The following TLL2 variants were observed in gnomAD, a reference collection of about 807,000 sequenced individuals.
TLL2 encodes the protein tolloid-like protein 2.
A neutral mutation model predicts 123.0 loss-of-function variants in TLL2; 106 were observed. The ratio of observed to expected loss-of-function variants is 0.86; its 90% CI spans 0.74 to 1.01. The LOEUF (loss-of-function observed/expected upper bound fraction) is 1.01. Ranked by LOEUF, TLL2 falls within the 50% of genes least tolerant of loss-of-function variation. TLL2 has a pLI of 0.00. For missense variants in TLL2, 1,332 were observed against 1,336.7 expected (o/e 1.00, Z 0.06); for synonymous variants, 494 against 516.8 (o/e 0.96, Z 0.60).
In TLL2 at chr10:96,387,102, C is replaced by T. The variant is rs374458002; in HGVS notation, c.1727-24G>A. 110 of 1,607,504 alleles carry T rather than the reference C, an allele frequency of 6.8e-5. No individual in the cohort carries two copies. The African/African-American group carries it at 1.2e-3, about 17-fold the overall frequency. ...CTCTGGTGGGGAAGGAAGGTGACCC[C>T]GGTTACATTGTCAGGAAGCCTCCTG... On this transcript the variant is annotated intron_variant, in intron 13 of 20. Transcript: ENST00000357947.
chr10:96,446,171 A>G lies in TLL2; in HGVS notation c.287-3T>C. ...AGATGCCTGCTCTTCAAGCCCACCT[A>G]GAGGAATGGAGAAGAAAGAGGCATG... On this transcript the variant is annotated splice_polypyrimidine_tract_variant and splice_region_variant and intron_variant, in intron 2 of 20. Coordinates refer to ENST00000357947, the MANE Select transcript of TLL2 (RefSeq NM_012465.4). 6.2e-7 allele frequency: 1 copy of G among 1,613,992 alleles called. No homozygotes were observed. Among genetic ancestry groups the G allele is most frequent in the Non-Finnish European group, 8.5e-7 (1 of 1,179,938 alleles).
At chr10:96,408,290 A>C (rs576472428) in intron 9 of TLL2, among the ~76,000 whole-genome samples, 1 of 152,360 alleles carries the variant, frequency 6.6e-6, no homozygotes, top group Non-Finnish European at 1.5e-5. Context: ...TACATTAGTG[A>C]ACCATAAAGA....
At chr10:96,442,320 G>C (rs1846857578) in intron 3 of TLL2, among the ~76,000 whole-genome samples, 1 of 152,278 alleles carries the variant, frequency 6.6e-6, no homozygotes, top group Admixed American at 6.5e-5. Context: ...CTCTTTTCCT[G>C]GGGGTGGTGG....
chr10:96,390,382 G>A (rs1846275516), intron 13 of TLL2, among the ~76,000 whole-genome samples: 1 of 152,186 alleles, frequency 6.6e-6, no homozygotes, highest in African/African-American at 2.4e-5. Flanking sequence ...TTATGTGGGG[G>A]GCATAGGACC....
intron 2 of TLL2, among the ~76,000 whole-genome samples, chr10:96,476,240 A>ATATATATATATATATATATTTTTTTTTTT: frequency 9.8e-5 from 2 of 20,486 alleles, no homozygotes; most frequent in South Asian, 1.7e-3. Flanking sequence ...ATATATATAT[A>ATATATATATATATATATATTTTTTTTTTT]TTTTATTTTT....
intron 2 of TLL2, among the ~76,000 whole-genome samples, chr10:96,459,524 CA>C (rs1212751233): frequency 6.6e-6 from 1 of 150,810 alleles, no homozygotes; most frequent in Non-Finnish European, 1.5e-5. Flanking sequence ...ACTGAAAATA[CA>C]AAAATCAGCC....
chr10:96,397,111 G>T, intron 11 of TLL2, 75 bp downstream of exon 11: 1 of 1,360,292 alleles, frequency 7.4e-7, no homozygotes. Flanking sequence ...TGGGCTGGGA[G>T]AGGGACAGTG....
chr10:96,377,672 C>T (rs896098137), intron 17 of TLL2, among the ~76,000 whole-genome samples: 2 of 152,202 alleles, frequency 1.3e-5, no homozygotes, highest in Admixed American at 1.3e-4. Context: ...GGAGGCTCCA[C>T]ACTGAAGAAG....
At chr10:96,476,454 G>T (rs1847253088) in intron 2 of TLL2, among the ~76,000 whole-genome samples, 3 of 151,052 alleles carry the variant, frequency 2.0e-5, no homozygotes, top group Admixed American at 1.3e-4. Context: ...TAGAGACAGG[G>T]TTTCACCATG....
chr10:96,455,020 C>A (rs1436353002), intron 2 of TLL2, among the ~76,000 whole-genome samples: 6 of 152,062 alleles, frequency 3.9e-5, no homozygotes, highest in African/African-American at 1.4e-4. Context: ...TTCTTTAAAC[C>A]TTTCCCCATA....
chr10:96,417,674 A>G lies in TLL2; in HGVS notation c.923+3282T>C, dbSNP rs150086700. On this transcript the variant is annotated intron_variant, in intron 7 of 20. Coordinates refer to ENST00000357947, the MANE Select transcript of TLL2 (RefSeq NM_012465.4). Reference sequence around the variant, plus strand: ...GGAACTGTGAGTCCCCATGCAGTGTAAAGCCTGGTCTAGCCTACTGGAGGA... The same window carrying G: ...GGAACTGTGAGTCCCCATGCAGTGTGAAGCCTGGTCTAGCCTACTGGAGGA... Among the ~76,000 whole-genome samples the G allele has an allele frequency of 2.5e-3, 379 of 152,294 alleles. 2 individuals are homozygous for G. The highest frequency in any genetic ancestry group is 4.2e-3 in the Admixed American group (64 of 15,304).
At position 96,488,216 on chromosome 10, in the gene TLL2, T is replaced by G. The variant is rs553093209; in HGVS notation, c.176-7757A>C. The stretch of plus-strand genomic sequence containing the variant: ...CTGCAGGCACTGAGGTCACCGGCCA[T>G]GGCCCACATCAGTGTGATGTGTAGT... On this transcript the variant is annotated intron_variant, in intron 1 of 20. Transcript: ENST00000357947. Among the ~76,000 whole-genome samples the G allele has an allele frequency of 1.1e-4, 16 of 152,338 alleles. No homozygotes were observed. In the East Asian group the frequency reaches 3.1e-3, roughly 29 times the overall value.
At chr10:96,372,090 G>A (rs937963435) in intron 19 of TLL2, among the ~76,000 whole-genome samples, 3 of 152,132 alleles carry the variant, frequency 2.0e-5, no homozygotes, top group South Asian at 4.2e-4. Flanking sequence ...ACTTCCTGCC[G>A]GGACCCTGAA....
intron 13 of TLL2, among the ~76,000 whole-genome samples, chr10:96,394,983 G>C (rs778519014): frequency 7.2e-5 from 11 of 152,152 alleles, no homozygotes; most frequent in Non-Finnish European, 1.0e-4. Flanking sequence ...ACTTTCTATC[G>C]TGTGGAAGCC....
At chr10:96,380,453 C>T (rs2901993) in intron 16 of TLL2, among the ~76,000 whole-genome samples, 23,644 of 151,888 alleles carry the variant, frequency 0.16, 1,946 homozygotes, top group South Asian at 0.24. Context: ...CCAAGGCAGG[C>T]GGATCACGAG....
At chr10:96,443,754 T>G (rs537648113) in intron 3 of TLL2, among the ~76,000 whole-genome samples, 1 of 152,366 alleles carries the variant, frequency 6.6e-6, no homozygotes, top group East Asian at 1.9e-4. Context: ...CACTAAGTGC[T>G]GATCATTTGT....
At chr10:96,390,865 A>G (rs1305635353) in intron 13 of TLL2, among the ~76,000 whole-genome samples, 4 of 152,264 alleles carry the variant, frequency 2.6e-5, no homozygotes, top group African/African-American at 9.6e-5. Flanking sequence ...TGCCATGAGT[A>G]TAAAACACAT....
In TLL2 at chr10:96,476,220, A is replaced by ATG. The variant is rs199865793; in HGVS notation, c.286+4127_286+4128dup. 1.3e-3 allele frequency among the ~76,000 whole-genome samples: 24 copies of ATG among 18,502 alleles called. 3 individuals are homozygous for ATG. The highest frequency in any genetic ancestry group is 2.3e-3 in the South Asian group (1 of 442). 12.1% of individuals were successfully genotyped at this position (18,502 alleles called of 152,430 possible). On this transcript the variant is annotated intron_variant, in intron 2 of 20. Coordinates refer to ENST00000357947, the MANE Select transcript of TLL2 (RefSeq NM_012465.4). ...AGGTGTGGTTCCTTTTTAATTTTATATGTATATATATATATATATATTTTA... is the reference window on the plus strand; with the variant it reads ...AGGTGTGGTTCCTTTTTAATTTTATATGTGTATATATATATATATATATTTTA...
At chr10:96,419,006 C>T (rs1564903362) in intron 7 of TLL2, among the ~76,000 whole-genome samples, 1 of 152,070 alleles carries the variant, frequency 6.6e-6, no homozygotes, top group African/African-American at 2.4e-5. Context: ...CAGCCTGTAA[C>T]TCCTGGATGA....
Sources: gnomAD v4.1 joint callset for allele counts (sites outside exome capture counted in the v4.1 genomes callset) on GRCh38, gnomAD v4.1.1 for gene constraint, MANE v1.5 for transcripts, NCBI Gene and HGNC (gene_info 2026-07-23, HGNC 2026-07-21) for gene names.